NR3C2: variants seen among roughly 807,000 people sequenced by gnomAD.
NR3C2 encodes mineralocorticoid receptor.
In NR3C2, 15 loss-of-function variants were observed where a neutral mutation model predicts 86.4. The ratio of observed to expected loss-of-function variants is 0.17; its 90% CI spans 0.12 to 0.27. The LOEUF is 0.27. Ranked by LOEUF, NR3C2 falls within the 10% of genes least tolerant of loss-of-function variation. NR3C2 has a pLI of 1.00. For synonymous variants in NR3C2, 458 were observed against 450.5 expected (o/e 1.02, Z -0.21); for missense variants, 960 against 1,195.6 (o/e 0.80, Z 2.91).
At chr4:148,087,800 T>C (rs1042646636) in intron 8 of NR3C2, among the ~76,000 whole-genome samples, 15 of 152,288 alleles carry the variant, frequency 9.8e-5, no homozygotes, top group African/African-American at 3.6e-4. Flanking sequence ...ATTCAGGACG[T>C]AGGCATGGGC....
At chr4:148,393,446 T>C (rs1288328059) in intron 2 of NR3C2, among the ~76,000 whole-genome samples, 1 of 152,210 alleles carries the variant, frequency 6.6e-6, no homozygotes, top group East Asian at 1.9e-4. Context: ...CAAATGATTC[T>C]GATTCACAGC....
intron 2 of NR3C2, among the ~76,000 whole-genome samples, chr4:148,276,802 A>G (rs1354151431): frequency 1.3e-5 from 2 of 152,218 alleles, no homozygotes; most frequent in Non-Finnish European, 2.9e-5. Flanking sequence ...AGGGGAGACA[A>G]TGGTTTTATT....
At chr4:148,108,809 C>T (rs1731919849) in intron 8 of NR3C2, among the ~76,000 whole-genome samples, 1 of 152,192 alleles carries the variant, frequency 6.6e-6, no homozygotes, top group African/African-American at 2.4e-5. Context: ...CTGCTACACA[C>T]ACATGATGTT....
In NR3C2 at chr4:148,080,695, A is replaced by C. The variant is rs760245564; in HGVS notation, c.*649T>G. 1.8e-5 allele frequency: 5 copies of C among 274,228 alleles called. No individual in the cohort carries two copies. The highest frequency in any genetic ancestry group is 3.1e-5 in the Non-Finnish European group (4 of 128,212). 17.0% of individuals were successfully genotyped at this position (274,228 alleles called of 1,614,324 possible). A position where few individuals can be genotyped will look rare whatever the true frequency, so the allele number is the denominator to read the frequency against. ...GTAAAGCCAACACAATAGATACTAGAAATCAAACCAAGGCATTTAACATCA... is the reference window on the plus strand; with the variant it reads ...GTAAAGCCAACACAATAGATACTAGCAATCAAACCAAGGCATTTAACATCA... On this transcript the variant is annotated 3_prime_UTR_variant, in exon 9 of 9. Transcript: ENST00000358102.
intron 4 of NR3C2, among the ~76,000 whole-genome samples, chr4:148,164,233 ATTCTAACT>A (rs2149778067): frequency 1.3e-5 from 2 of 152,276 alleles, no homozygotes; most frequent in South Asian, 4.2e-4. Flanking sequence ...TGACACCTTG[ATTCTAACT>A]GGAGGAGAAT....
chr4:148,183,662 T>A (rs1310071100), intron 4 of NR3C2, among the ~76,000 whole-genome samples: 1 of 152,050 alleles, frequency 6.6e-6, no homozygotes, highest in African/African-American at 2.4e-5. Flanking sequence ...TGCTGTGAGG[T>A]TTAAGTGGGA....
At chr4:148,361,037 G>C (rs969093788) in intron 2 of NR3C2, among the ~76,000 whole-genome samples, 2 of 152,074 alleles carry the variant, frequency 1.3e-5, no homozygotes, top group Non-Finnish European at 2.9e-5. Flanking sequence ...TCCCCTACTA[G>C]ATTGTAAGCT....
At chr4:148,428,255 G>T (rs1489570087) in intron 2 of NR3C2, among the ~76,000 whole-genome samples, 1 of 152,146 alleles carries the variant, frequency 6.6e-6, no homozygotes, top group African/African-American at 2.4e-5. Flanking sequence ...TACAAAAGCT[G>T]ATGTTAAGGT....
intron 2 of NR3C2, among the ~76,000 whole-genome samples, chr4:148,352,674 G>A (rs978403986): frequency 2.6e-5 from 4 of 152,010 alleles, no homozygotes; most frequent in Admixed American, 2.6e-4. Flanking sequence ...AAACAACAAC[G>A]AACTCCCTCT....
intron 3 of NR3C2, among the ~76,000 whole-genome samples, chr4:148,212,076 C>T (rs954127532): frequency 6.6e-6 from 1 of 152,194 alleles, no homozygotes; most frequent in Non-Finnish European, 1.5e-5. Context: ...AAAATACCTG[C>T]ACACTTGATT....
intron 3 of NR3C2, among the ~76,000 whole-genome samples, chr4:148,202,453 T>C (rs1736774439): frequency 6.6e-6 from 1 of 152,224 alleles, no homozygotes. Flanking sequence ...GCCTCCAGTC[T>C]TGGGGAGGCC....
intron 2 of NR3C2, among the ~76,000 whole-genome samples, chr4:148,392,028 T>C (rs1462758391): frequency 6.6e-6 from 1 of 152,036 alleles, no homozygotes; most frequent in African/African-American, 2.4e-5. Context: ...AATACAAAAT[T>C]AATAACTATT....
At chr4:148,195,908 T>C (rs1736420085) in intron 3 of NR3C2, among the ~76,000 whole-genome samples, 1 of 152,208 alleles carries the variant, frequency 6.6e-6, no homozygotes, top group Non-Finnish European at 1.5e-5. Flanking sequence ...TTCAAGACTT[T>C]GGCCTTTACT....
At chr4:148,393,143 C>A (rs1157347861) in intron 2 of NR3C2, among the ~76,000 whole-genome samples, 2 of 152,080 alleles carry the variant, frequency 1.3e-5, no homozygotes, top group African/African-American at 2.4e-5. Flanking sequence ...ATTTCCTTAT[C>A]TTTGTTTCAT....
At chr4:148,319,420 A>T (rs1262704411) in intron 2 of NR3C2, among the ~76,000 whole-genome samples, 1 of 152,062 alleles carries the variant, frequency 6.6e-6, no homozygotes, top group Admixed American at 6.6e-5. Flanking sequence ...GAAGAAAGGC[A>T]TTGGTAGCTT....
intron 8 of NR3C2, among the ~76,000 whole-genome samples, chr4:148,111,083 A>G (rs894731164): frequency 1.1e-4 from 16 of 152,248 alleles, no homozygotes; most frequent in African/African-American, 3.9e-4. Context: ...ACTTACAGTC[A>G]TATATCTGGA....
At chr4:148,161,794 C>A (rs1734674027) in intron 4 of NR3C2, among the ~76,000 whole-genome samples, 1 of 152,014 alleles carries the variant, frequency 6.6e-6, no homozygotes, top group Non-Finnish European at 1.5e-5. Context: ...AAGATCTGAG[C>A]CCTGATAAGA....
chr4:148,304,434 A>G lies in NR3C2; in HGVS notation c.1758-44317T>C, dbSNP rs115322676. On this transcript the variant is annotated intron_variant, in intron 2 of 8. Coordinates refer to ENST00000358102, the MANE Select transcript of NR3C2 (RefSeq NM_000901.5). ...ATTTACCCCAGCTTGTTTCATTTTG[A>G]TATGTGTTTTCTAATAACTCAGTTT... Among the ~76,000 whole-genome samples the G allele has an allele frequency of 1.8e-3, 237 of 134,254 alleles. 1 individual carries two copies. The highest frequency in any genetic ancestry group is 6.3e-3 in the African/African-American group (222 of 35,446). 88.1% of individuals were successfully genotyped at this position (134,254 alleles called of 152,430 possible).
At chr4:148,122,190 T>C (rs1732537869) in intron 6 of NR3C2, among the ~76,000 whole-genome samples, 1 of 152,256 alleles carries the variant, frequency 6.6e-6, no homozygotes, top group South Asian at 2.1e-4. Flanking sequence ...ACTCATCATT[T>C]GGGTGTCTTC....
Sources: allele counts gnomAD v4.1 joint callset (sites outside exome capture counted in the v4.1 genomes callset), GRCh38; gene constraint gnomAD v4.1.1; transcripts MANE v1.5; gene names NCBI Gene and HGNC (gene_info 2026-07-23, HGNC 2026-07-21).